The following ZNF207 variants were observed in gnomAD, a reference collection of about 807,000 sequenced individuals.
ZNF207 encodes the protein zinc finger protein 207.
A neutral mutation model predicts 60.2 loss-of-function variants in ZNF207; 24 were observed. That is an observed-to-expected ratio of 0.40 (90% CI 0.29 to 0.56). The LOEUF is 0.56. Among genes scored for constraint, ZNF207 ranks in the 20% least tolerant of loss-of-function variants. The pLI is 0.49. For missense variants in ZNF207, 452 were observed against 636.6 expected (o/e 0.71, Z 3.12); for synonymous variants, 236 against 194.7 (o/e 1.21, Z -1.77).
intron 2 of ZNF207, 124 bp downstream of exon 2, chr17:32,352,036 CG>C: frequency 1.1e-6 from 1 of 877,680 alleles, no homozygotes; most frequent in Non-Finnish European, 1.6e-6. Flanking sequence ...GGTGCAATCT[CG>C]GCCCACTGCA....
At chr17:32,356,855 T>G (rs1248813001) in intron 2 of ZNF207, among the ~76,000 whole-genome samples, 1 of 151,990 alleles carries the variant, frequency 6.6e-6, no homozygotes, top group East Asian at 1.9e-4. Flanking sequence ...TGAAAAAAAA[T>G]CCCAGATTTT....
At chr17:32,353,230 C>T (rs1248297978) in intron 2 of ZNF207, among the ~76,000 whole-genome samples, 2 of 151,894 alleles carry the variant, frequency 1.3e-5, no homozygotes, top group Non-Finnish European at 2.9e-5. Context: ...TAATAAATAG[C>T]GAGAGCATTG....
In ZNF207 at chr17:32,377,945, G is replaced by T. The variant is rs2150808352; in HGVS notation, c.*8186G>T. On this transcript the variant is annotated 3_prime_UTR_variant, in exon 12 of 12. Transcript: ENST00000394670. ...GAATTTCAGCATTTGCTACTTACTGGTAGAGAAGAAAAATCCCACAGCCCT... is the reference window on the plus strand; with the variant it reads ...GAATTTCAGCATTTGCTACTTACTGTTAGAGAAGAAAAATCCCACAGCCCT... 1 of 152,528 alleles carries T rather than the reference G, an allele frequency of 6.6e-6. No homozygotes were observed. Among genetic ancestry groups the T allele is most frequent in the East Asian group, 1.9e-4 (1 of 5,196 alleles). 9.4% of individuals were successfully genotyped at this position (152,528 alleles called of 1,614,324 possible).
At position 32,369,463 on chromosome 17, in the gene ZNF207, C is replaced by G. The variant is rs748773222; in HGVS notation, c.1324+9C>G. ...CCCAATGCCACCTCATGGTATTCCT[C>G]TTTTTATGTTTTTCATATTTAGTGG... On this transcript the variant is annotated intron_variant, in intron 11 of 11. Transcript: ENST00000394670. 7.4e-6 allele frequency: 12 copies of G among 1,611,660 alleles called. 1 individual carries two copies. The South Asian group carries it at 1.3e-4, about 18-fold the overall frequency.
chr17:32,366,620 ATTTG>A, intron 8 of ZNF207, 41 bp from the exon 9 acceptor site: 14 of 1,541,890 alleles, frequency 9.1e-6, no homozygotes, highest in Non-Finnish European at 1.2e-5. Flanking sequence ...ATTTTGACCC[ATTTG>A]TTTGGAGACT....
rs137924423 is a variant in ZNF207, at chr17:32,380,250, C to G, written c.*10491C>G. 1 of 152,462 alleles carries G rather than the reference C, an allele frequency of 6.6e-6. No homozygotes were observed. The highest frequency in any genetic ancestry group is 1.5e-5 in the Non-Finnish European group (1 of 68,014). 9.4% of individuals were successfully genotyped at this position (152,462 alleles called of 1,614,324 possible). ...TGATGAGAGTAAGTAGCCAAATTTC[C>G]GTAATATAAGGTAATGTTTAAAAGT... On this transcript the variant is annotated 3_prime_UTR_variant, in exon 12 of 12. Transcript: ENST00000394670.
chr17:32,362,992 TTAGA>T lies in ZNF207; in HGVS notation c.670+11_670+14del. The T allele has an allele frequency of 6.2e-7, 1 of 1,611,530 alleles. No individual in the cohort carries two copies. The highest frequency in any genetic ancestry group is 8.5e-7 in the Non-Finnish European group (1 of 1,178,868). ...TGCCTGGAATGCCACCAGGTATATG[TTAGA>T]TAATTTCATTTTAATATGATGTACA... On this transcript the variant is annotated intron_variant, in intron 7 of 11. Transcript: ENST00000394670.
intron 3 of ZNF207, 138 bp downstream of exon 3, chr17:32,358,779 G>A (rs1359647083): frequency 1.6e-6 from 1 of 637,976 alleles, no homozygotes; most frequent in Admixed American, 4.4e-5. Flanking sequence ...TGCCTCCGGG[G>A]TTTAAGTGAT....
chr17:32,361,002 T>C (rs1904849813), intron 5 of ZNF207, 35 bp downstream of exon 5: 2 of 1,593,878 alleles, frequency 1.3e-6, no homozygotes, highest in Admixed American at 1.7e-5. Flanking sequence ...TGTAGGCTTG[T>C]GCCTAGTAAT....
intron 5 of ZNF207, 153 bp from the exon 6 acceptor site, chr17:32,361,315 A>T: frequency 6.6e-6 from 4 of 601,940 alleles, no homozygotes; most frequent in Non-Finnish European, 1.1e-5. Flanking sequence ...TAAATGATTT[A>T]TTTGTCAAAG....
Position 32,350,340 on chromosome 17 carries a change from G to A in ZNF207, c.41+14G>A, listed in dbSNP as rs2041477898. Reference sequence around the variant, plus strand: ...GCCGTGGTGCTGGTATCCTTTGTCGGTTTGAAGTCGAGGTCGCGTTGGGGT... The same window carrying A: ...GCCGTGGTGCTGGTATCCTTTGTCGATTTGAAGTCGAGGTCGCGTTGGGGT... On this transcript the variant is annotated intron_variant, in intron 1 of 11. Transcript: ENST00000394670. The A allele has an allele frequency of 6.2e-7, 1 of 1,614,040 alleles. No homozygotes were observed. Among genetic ancestry groups the A allele is most frequent in the East Asian group, 2.2e-5 (1 of 44,892 alleles).
chr17:32,376,328 G>A lies in ZNF207; in HGVS notation c.*6569G>A, dbSNP rs1320934475. 1 of 151,852 alleles carries A rather than the reference G, an allele frequency of 6.6e-6. No individual in the cohort carries two copies. The highest frequency in any genetic ancestry group is 1.5e-5 in the Non-Finnish European group (1 of 67,880). 9.4% of individuals were successfully genotyped at this position (151,852 alleles called of 1,614,324 possible). On this transcript the variant is annotated 3_prime_UTR_variant, in exon 12 of 12. Transcript: ENST00000394670. ...GTTAGAAAATAGATTACGTTTTAAA[G>A]TAACATTAAAAAAATTCTTCAGTAA...
chr17:32,353,342 C>T (rs1166145357), intron 2 of ZNF207, among the ~76,000 whole-genome samples: 3 of 151,890 alleles, frequency 2.0e-5, no homozygotes, highest in African/African-American at 7.3e-5. Flanking sequence ...CTAAATTAGA[C>T]CTTACAGAAA....
Position 32,357,311 on chromosome 17 carries a change from AATT to A in ZNF207, c.169-1152_169-1150del, listed in dbSNP as rs1330669262. ...CTATACTTAGAAAATTTGCTATTCT[AATT>A]ATTATTATTATTATTATTATTATTA... On this transcript the variant is annotated intron_variant, in intron 2 of 11. Transcript: ENST00000394670. Among the ~76,000 whole-genome samples the A allele has an allele frequency of 5.7e-3, 678 of 117,952 alleles. 12 individuals are homozygous for A. Among genetic ancestry groups the A allele is most frequent in the African/African-American group, 8.7e-3 (251 of 28,848 alleles). The allele number at this position is 117,952 out of a possible 152,430, so 77.4% of individuals were successfully genotyped here.
intron 9 of ZNF207, among the ~76,000 whole-genome samples, chr17:32,367,282 T>TATATATATATGTATATATAA (rs1445385221): frequency 1.2e-5 from 1 of 82,862 alleles, no homozygotes; most frequent in Non-Finnish European, 2.2e-5. Context: ...TATATATATA[T>TATATATATATGTATATATAA]ATAAAGAATA....
At chr17:32,365,256 T>G in intron 7 of ZNF207, 74 bp from the exon 8 acceptor site, 11 of 1,483,332 alleles carry the variant, frequency 7.4e-6, no homozygotes, top group Non-Finnish European at 1.0e-5. Context: ...TTAATAACTT[T>G]GTAGTATAGA....
intron 2 of ZNF207, among the ~76,000 whole-genome samples, chr17:32,352,242 T>G (rs2041521743): frequency 6.6e-6 from 1 of 152,158 alleles, no homozygotes; most frequent in African/African-American, 2.4e-5. Context: ...AGTGCTGGGA[T>G]TACAGGCGTG....
At chr17:32,364,038 C>CT (rs33927687) in intron 7 of ZNF207, among the ~76,000 whole-genome samples, 19 of 145,634 alleles carry the variant, frequency 1.3e-4, no homozygotes, top group East Asian at 1.0e-3. Context: ...TTCTTTTCTT[C>CT]TTTTTTTTTT....
rs1323638659 is a variant in ZNF207 at position 32,363,001 on chromosome 17, T to A, written c.670+17T>A. The A allele has an allele frequency of 6.2e-7, 1 of 1,607,776 alleles. No individual in the cohort carries two copies. Among genetic ancestry groups the A allele is most frequent in the Non-Finnish European group, 8.5e-7 (1 of 1,175,694 alleles). Reference sequence around the variant, plus strand: ...TGCCACCAGGTATATGTTAGATAATTTCATTTTAATATGATGTACAGGCTT... The same window carrying A: ...TGCCACCAGGTATATGTTAGATAATATCATTTTAATATGATGTACAGGCTT... On this transcript the variant is annotated intron_variant, in intron 7 of 11. Transcript: ENST00000394670.
Sources: gnomAD v4.1 joint callset for allele counts (sites outside exome capture counted in the v4.1 genomes callset) on GRCh38, gnomAD v4.1.1 for gene constraint, MANE v1.5 for transcripts, NCBI Gene and HGNC (gene_info 2026-07-23, HGNC 2026-07-21) for gene names.